Variants in SLC45A4 observed in about 807,000 individuals in gnomAD.
The protein encoded by SLC45A4 is solute carrier family 45 member 4.
In SLC45A4, 32 loss-of-function variants were observed where a neutral mutation model predicts 63.7. The ratio of observed to expected loss-of-function variants is 0.50; its 90% CI spans 0.38 to 0.67. The LOEUF (loss-of-function observed/expected upper bound fraction) is 0.67, where lower values mean the gene tolerates loss of function less well. Among genes scored for constraint, SLC45A4 ranks in the 30% least tolerant of loss-of-function variants. SLC45A4 has a pLI of 0.00. For missense variants in SLC45A4, 1,027 were observed against 1,157.7 expected, an observed-to-expected ratio of 0.89 and a Z score of 1.64; for synonymous variants, 535 against 510.0, an observed-to-expected ratio of 1.05 and a Z score of -0.66.
At chr8:141,250,802 C>A (rs36050442) in intron 2 of SLC45A4, among the ~76,000 whole-genome samples, 1 of 152,116 alleles carries the variant, frequency 6.6e-6, no homozygotes, top group African/African-American at 2.4e-5. Flanking sequence ...CTGGGACATA[C>A]CCCCGTTGCA....
intron 1 of SLC45A4, among the ~76,000 whole-genome samples, chr8:141,294,198 C>G (rs537774832): frequency 8.3e-4 from 126 of 152,236 alleles, no homozygotes; most frequent in African/African-American, 2.9e-3. Flanking sequence ...CAGGGCCAAC[C>G]GAGGGACCCT....
intron 6 of SLC45A4, 99 bp from the exon 7 acceptor site, chr8:141,216,069 C>A (rs1355485395): frequency 4.7e-6 from 5 of 1,064,882 alleles, no homozygotes; most frequent in African/African-American, 4.7e-5. Context: ...ATCCCCCCGA[C>A]CTCCACTCCT....
rs1273024081 is a variant in SLC45A4 at position 141,254,819 on chromosome 8, T to G, written c.-400-190A>C. 1.9e-6 allele frequency: 1 copy of G among 534,300 alleles called. No individual in the cohort carries two copies. The highest frequency in any genetic ancestry group is 3.6e-6 in the Non-Finnish European group (1 of 279,616). 33.1% of individuals were successfully genotyped at this position (534,300 alleles called of 1,614,324 possible). A position where few individuals can be genotyped will look rare whatever the true frequency, so the allele number is the denominator to read the frequency against. ...ACCTACTTTCTAGAAAAACATTTTC[T>G]CATACGAAAGTGAATCCTGGGGAAG... On this transcript the variant is annotated intron_variant, in intron 1 of 8. Coordinates refer to ENST00000517878, the MANE Select transcript of SLC45A4 (RefSeq NM_001286646.2). This position sits in a 1 kb window ranked among gnomAD's most constrained non-coding sequence, Gnocchi z 4.5.
Position 141,241,956 on chromosome 8 carries a change from G to A in SLC45A4, c.241+12033C>T, listed in dbSNP as rs1190197727. On this transcript the variant is annotated intron_variant, in intron 2 of 8. Transcript: ENST00000517878. Reference sequence around the variant, plus strand: ...CATGGTGCATACAGGGACAAGACAAGGGAGTGTATGGTGGCCTTCGCACGG... The same window carrying A: ...CATGGTGCATACAGGGACAAGACAAAGGAGTGTATGGTGGCCTTCGCACGG... 3.3e-5 allele frequency among the ~76,000 whole-genome samples: 5 copies of A among 152,256 alleles called. No individual in the cohort carries two copies. In the East Asian group the frequency reaches 9.6e-4, roughly 29 times the overall value.
At chr8:141,266,668 G>A (rs1323898353) in intron 1 of SLC45A4, among the ~76,000 whole-genome samples, 1 of 152,216 alleles carries the variant, frequency 6.6e-6, no homozygotes, top group Non-Finnish European at 1.5e-5. Flanking sequence ...AGACATATCT[G>A]ATAAAAGACT....
chr8:141,218,818 C>T lies in SLC45A4; in HGVS notation c.822G>A (p.Gly274=), dbSNP rs1422055922. 6.2e-7 allele frequency: 1 copy of T among 1,613,060 alleles called. No homozygotes were observed. The highest frequency in any genetic ancestry group is 2.2e-5 in the East Asian group (1 of 44,880). Residue 274 remains glycine (G), a synonymous_variant, in exon 5 of 9, where the codon GGG becomes GGA. Transcript: ENST00000517878. Reference sequence around the variant, plus strand: ...AGGCAGGGACGCCGTGCGGCTCGCCCCCATCCAGGGCGCCGGGCTCCTCAG... The same window carrying T: ...AGGCAGGGACGCCGTGCGGCTCGCCTCCATCCAGGGCGCCGGGCTCCTCAG... ...RSAEEPGALD[G]GEPHGVPAFP...
At chr8:141,232,793 C>T (rs775902942) in intron 2 of SLC45A4, among the ~76,000 whole-genome samples, 4 of 152,220 alleles carry the variant, frequency 2.6e-5, no homozygotes, top group Non-Finnish European at 5.9e-5. Flanking sequence ...CACTCAGTGG[C>T]TCCCAGGTGA....
chr8:141,270,864 T>G (rs1431734053), intron 1 of SLC45A4, among the ~76,000 whole-genome samples: 2 of 152,090 alleles, frequency 1.3e-5, no homozygotes, highest in African/African-American at 4.8e-5. Context: ...GACCAGCTCG[T>G]ACCTCCCTGT....
At chr8:141,275,843 C>T (rs534639434) in intron 1 of SLC45A4, among the ~76,000 whole-genome samples, 9 of 151,898 alleles carry the variant, frequency 5.9e-5, no homozygotes, top group East Asian at 1.9e-4. Flanking sequence ...TAGAAAGGTA[C>T]GGATGCAGAT....
rs1830341624 is a variant in SLC45A4, at chr8:141,291,385, TTCTCA to T, written c.-401+16706_-401+16710del. Among the ~76,000 whole-genome samples the T allele has an allele frequency of 2.0e-5, 3 of 152,360 alleles. No homozygotes were observed. In the South Asian group the frequency reaches 6.2e-4, roughly 32 times the overall value. The stretch of plus-strand genomic sequence containing the variant: ...TTTTTGTTGTGATGTGGTTATTATC[TTCTCA>T]TAATTTTTTTTTAAATCAGTCCTCC... On this transcript the variant is annotated intron_variant, in intron 1 of 8. Transcript: ENST00000517878.
At chr8:141,232,262 C>T (rs1037678619) in intron 2 of SLC45A4, among the ~76,000 whole-genome samples, 3 of 152,264 alleles carry the variant, frequency 2.0e-5, no homozygotes, top group Non-Finnish European at 4.4e-5. Context: ...CTGCTCTGTG[C>T]GCCATGCTTT....
intron 7 of SLC45A4, among the ~76,000 whole-genome samples, chr8:141,213,019 T>C (rs1825932126): frequency 6.6e-6 from 1 of 152,188 alleles, no homozygotes; most frequent in Non-Finnish European, 1.5e-5. Context: ...GTTTCACTTG[T>C]GTTTCTTGCA....
chr8:141,294,297 C>A (rs1306270670), intron 1 of SLC45A4, among the ~76,000 whole-genome samples: 1 of 152,222 alleles, frequency 6.6e-6, no homozygotes, highest in African/African-American at 2.4e-5. Context: ...TCAGTCAACG[C>A]CTGCTGTGAA....
At chr8:141,286,336 G>A (rs1360507994) in intron 1 of SLC45A4, among the ~76,000 whole-genome samples, 4 of 152,162 alleles carry the variant, frequency 2.6e-5, no homozygotes, top group Non-Finnish European at 5.9e-5. Context: ...CGTGAGACAT[G>A]GGATCTGTGC....
intron 5 of SLC45A4, 129 bp downstream of exon 5, chr8:141,217,882 G>T: frequency 8.5e-7 from 1 of 1,179,346 alleles, no homozygotes; most frequent in Non-Finnish European, 1.2e-6. Context: ...CACCTGCACG[G>T]GAGGCACTGT....
chr8:141,235,501 G>A (rs1827581281), intron 2 of SLC45A4, among the ~76,000 whole-genome samples: 1 of 152,210 alleles, frequency 6.6e-6, no homozygotes, highest in South Asian at 2.1e-4. Context: ...ACCCCACAAC[G>A]ATTCTAACGT....
In SLC45A4 at chr8:141,254,398, A is replaced by C; in HGVS notation, c.-169T>G. The C allele has an allele frequency of 1.3e-6, 1 of 769,790 alleles. No individual in the cohort carries two copies. The highest frequency in any genetic ancestry group is 2.1e-6 in the Non-Finnish European group (1 of 485,996). The allele number at this position is 769,790 out of a possible 1,614,324, so 47.7% of individuals were successfully genotyped here. On this transcript the variant is annotated 5_prime_UTR_variant, in exon 2 of 9. Coordinates refer to ENST00000517878, the MANE Select transcript of SLC45A4 (RefSeq NM_001286646.2). The surrounding 1 kb of genome is among the most constrained non-coding windows in gnomAD (Gnocchi z 4.5). ...ACAAGTGGCTATCTCACAACTTCTC[A>C]CAACGGTATGAGACATGCAGCAACA...
chr8:141,236,761 T>A (rs972110816), intron 2 of SLC45A4, among the ~76,000 whole-genome samples: 4 of 152,258 alleles, frequency 2.6e-5, no homozygotes, highest in African/African-American at 9.6e-5. Context: ...TTTATTTTGA[T>A]ACATGTTTTA....
chr8:141,244,721 T>A (rs1828083123), intron 2 of SLC45A4, among the ~76,000 whole-genome samples: 2 of 152,092 alleles, frequency 1.3e-5, no homozygotes, highest in Non-Finnish European at 2.9e-5. Context: ...GATGCCACCA[T>A]TTTCGAAAGC....
Sources: allele counts gnomAD v4.1 joint callset (sites outside exome capture counted in the v4.1 genomes callset), GRCh38; gene constraint gnomAD v4.1.1; non-coding constraint Gnocchi (gnomAD v3.1); transcripts MANE v1.5; gene names NCBI Gene and HGNC (gene_info 2026-07-23, HGNC 2026-07-21).